Variants in ESR1 observed in about 807,000 individuals in gnomAD.
ESR1 encodes the protein estrogen receptor.
In ESR1, 12 loss-of-function variants were observed where a neutral mutation model predicts 52.7. The ratio of observed to expected loss-of-function variants is 0.23; its 90% CI spans 0.15 to 0.37. The LOEUF (loss-of-function observed/expected upper bound fraction) is 0.37. Among genes scored for constraint, ESR1 ranks in the 10% least tolerant of loss-of-function variants. The pLI, the probability that ESR1 is intolerant of heterozygous loss-of-function variation, is 1.00. For synonymous variants in ESR1, 305 were observed against 316.8 expected (o/e 0.96, Z 0.39); for missense variants, 584 against 779.7 (o/e 0.75, Z 2.99).
intron 4 of ESR1, among the ~76,000 whole-genome samples, chr6:152,003,968 A>G (rs2042150457): frequency 6.6e-6 from 1 of 152,048 alleles, no homozygotes; most frequent in African/African-American, 2.4e-5. Context: ...TTATATTTAA[A>G]GTAAAGAACA....
intron 2 of ESR1, among the ~76,000 whole-genome samples, chr6:151,709,304 A>G (rs1430766562): frequency 6.6e-6 from 1 of 152,170 alleles, no homozygotes; most frequent in Admixed American, 6.6e-5. Flanking sequence ...GTTGCAAATG[A>G]CAATATTTTT....
chr6:151,806,384 G>C (rs2128150296), upstream of ESR1, among the ~76,000 whole-genome samples: 1 of 151,900 alleles, frequency 6.6e-6, no homozygotes, highest in African/African-American at 2.4e-5. Context: ...TACTCTGTTG[G>C]GTGTTTGGGA....
intron 3 of ESR1, among the ~76,000 whole-genome samples, chr6:151,905,242 C>A (rs1344249444): frequency 1.3e-5 from 2 of 152,070 alleles, no homozygotes; most frequent in Admixed American, 1.3e-4. Context: ...GTGCGAGTGA[C>A]CTGAAACTCC....
At chr6:151,876,193 T>A (rs1791785245) in intron 2 of ESR1, among the ~76,000 whole-genome samples, 1 of 152,192 alleles carries the variant, frequency 6.6e-6, no homozygotes, top group African/African-American at 2.4e-5. Context: ...TGCCCATGTT[T>A]CAGGCTTCAC....
chr6:152,119,410 G>A (rs1042811203), intron 6 of ESR1, among the ~76,000 whole-genome samples: 2 of 152,070 alleles, frequency 1.3e-5, no homozygotes, highest in Admixed American at 1.3e-4. Context: ...CATTTCTCCC[G>A]GGATTTCTTA....
rs1423990086 is a variant in ESR1 at position 152,099,578 on chromosome 6, G to C, written c.*612G>C. 1 of 240,764 alleles carries C rather than the reference G, an allele frequency of 4.2e-6. No homozygotes were observed. Among genetic ancestry groups the C allele is most frequent in the Non-Finnish European group, 8.1e-6 (1 of 123,294 alleles). 14.9% of individuals were successfully genotyped at this position (240,764 alleles called of 1,614,324 possible). Reference sequence around the variant, plus strand: ...TATAGGAATACAAGGGGCACACAGGGAAGGCAGATCCCCTAGTTGGCAAGA... The same window carrying C: ...TATAGGAATACAAGGGGCACACAGGCAAGGCAGATCCCCTAGTTGGCAAGA... On this transcript the variant is annotated 3_prime_UTR_variant, in exon 8 of 8. Coordinates refer to ENST00000206249, the MANE Select transcript of ESR1 (RefSeq NM_000125.4).
chr6:151,746,552 A>G (rs1386139896), intron 2 of ESR1, among the ~76,000 whole-genome samples: 2 of 152,224 alleles, frequency 1.3e-5, no homozygotes, highest in Non-Finnish European at 2.9e-5. Flanking sequence ...GCTGCTTAAC[A>G]GCTGATATGA....
chr6:151,923,720 CTT>C (rs1210903184), intron 3 of ESR1, among the ~76,000 whole-genome samples: 2 of 152,176 alleles, frequency 1.3e-5, no homozygotes, highest in Non-Finnish European at 2.9e-5. Context: ...TGAAGAATCT[CTT>C]GATTGCTTCT....
chr6:151,832,573 T>G (rs1458108183), intron 1 of ESR1, among the ~76,000 whole-genome samples: 1 of 152,168 alleles, frequency 6.6e-6, no homozygotes, highest in Non-Finnish European at 1.5e-5. Context: ...TTGCCACACA[T>G]ACAAGCATTG....
At chr6:152,097,263 A>G (rs1324548236) in intron 7 of ESR1, among the ~76,000 whole-genome samples, 1 of 152,168 alleles carries the variant, frequency 6.6e-6, no homozygotes, top group Non-Finnish European at 1.5e-5. Flanking sequence ...TTTGTTAAGT[A>G]AGCTTGGCCC....
At chr6:151,829,569 A>G (rs971283574) in intron 1 of ESR1, among the ~76,000 whole-genome samples, 3 of 152,196 alleles carry the variant, frequency 2.0e-5, no homozygotes, top group African/African-American at 7.2e-5. Context: ...ACCCCTTCCC[A>G]ATTCATCTTT....
At chr6:151,911,370 G>C (rs1473221149) in intron 3 of ESR1, among the ~76,000 whole-genome samples, 1 of 152,118 alleles carries the variant, frequency 6.6e-6, no homozygotes, top group Non-Finnish European at 1.5e-5. Flanking sequence ...GGGAAGTTAT[G>C]GTTATTGCAT....
chr6:151,700,533 T>G (rs923289201), intron 1 of ESR1, among the ~76,000 whole-genome samples: 12 of 152,160 alleles, frequency 7.9e-5, no homozygotes, highest in African/African-American at 2.9e-4. Context: ...CTATTTGATA[T>G]GGAAACCATA....
At chr6:151,989,358 T>C (rs1036028651) in intron 4 of ESR1, among the ~76,000 whole-genome samples, 1 of 152,144 alleles carries the variant, frequency 6.6e-6, no homozygotes, top group African/African-American at 2.4e-5. Context: ...GGCACATTCG[T>C]GTCTCATTAC....
At chr6:151,800,117 T>C (rs1041379023), upstream of ESR1, among the ~76,000 whole-genome samples, 4 of 152,168 alleles carry the variant, frequency 2.6e-5, no homozygotes, top group Non-Finnish European at 4.4e-5. Flanking sequence ...GTGGACTTCC[T>C]AGTCAGGAAA....
chr6:152,075,168 G>A (rs1562756753), intron 6 of ESR1, among the ~76,000 whole-genome samples: 1 of 152,194 alleles, frequency 6.6e-6, no homozygotes, highest in Non-Finnish European at 1.5e-5. Flanking sequence ...GAGTGAATGG[G>A]CTTGGTGCCC....
chr6:151,956,790 A>G (rs1477353911), intron 4 of ESR1, among the ~76,000 whole-genome samples: 1 of 146,782 alleles, frequency 6.8e-6, no homozygotes, highest in African/African-American at 2.5e-5. Context: ...GTCTGTATAC[A>G]TACATATATA....
At chr6:151,942,022 T>A (rs1214727576) in intron 3 of ESR1, among the ~76,000 whole-genome samples, 1 of 152,142 alleles carries the variant, frequency 6.6e-6, no homozygotes, top group Non-Finnish European at 1.5e-5. Context: ...CTAACTTGAG[T>A]AGGCTAGTTT....
chr6:151,718,510 G>A (rs1004818432), intron 2 of ESR1, among the ~76,000 whole-genome samples: 2 of 152,090 alleles, frequency 1.3e-5, no homozygotes, highest in Admixed American at 6.6e-5. Context: ...CTAAAATATC[G>A]TATTAGTGTG....
Sources: gnomAD v4.1 joint callset for allele counts (sites outside exome capture counted in the v4.1 genomes callset) on GRCh38, gnomAD v4.1.1 for gene constraint, MANE v1.5 for transcripts, NCBI Gene and HGNC (gene_info 2026-07-23, HGNC 2026-07-21) for gene names.